KIAA1958: variants seen among roughly 807,000 people sequenced by gnomAD.
KIAA1958 encodes the protein KIAA1958.
Under a neutral mutation model 47.2 loss-of-function variants are expected in KIAA1958, and 14 were observed. The observed-to-expected ratio is 0.30, with a 90% confidence interval of 0.20 to 0.46. The LOEUF is 0.46. Among genes scored for constraint, KIAA1958 ranks in the 20% least tolerant of loss-of-function variants. The pLI, the probability that KIAA1958 is intolerant of heterozygous loss-of-function variation, is 1.00. For missense variants in KIAA1958, 803 were observed against 909.2 expected (o/e 0.88, Z 1.50); for synonymous variants, 354 against 353.3 (o/e 1.00, Z -0.02).
At chr9:112,580,468 G>C (rs985138485) in intron 2 of KIAA1958, among the ~76,000 whole-genome samples, 4 of 151,858 alleles carry the variant, frequency 2.6e-5, no homozygotes, top group Admixed American at 2.6e-4. Context: ...TATTCCATGA[G>C]AAATATATGC....
chr9:112,645,280 C>T (rs1158688145), intron 2 of KIAA1958, among the ~76,000 whole-genome samples: 1 of 151,998 alleles, frequency 6.6e-6, no homozygotes, highest in Non-Finnish European at 1.5e-5. Context: ...CTCTTTCTTC[C>T]TTTTGATTGT....
chr9:112,535,125 C>T (rs1027135469), intron 1 of KIAA1958, among the ~76,000 whole-genome samples: 37 of 152,136 alleles, frequency 2.4e-4, no homozygotes, highest in Non-Finnish European at 5.0e-4. Context: ...TAAAATCTCT[C>T]GGCAGTTTTC....
chr9:112,498,747 G>A (rs895730253), intron 1 of KIAA1958, among the ~76,000 whole-genome samples: 16 of 152,072 alleles, frequency 1.1e-4, no homozygotes, highest in African/African-American at 3.1e-4. Flanking sequence ...CCTTGTGTTG[G>A]GAACATTCAA....
At position 112,574,375 on chromosome 9, in the gene KIAA1958, G is replaced by A. The variant is rs903747525; in HGVS notation, c.295G>A (p.Val99Ile). ...GCCCTCTGAGACACAGACTAGCCCT[G>A]TTGAAAGGTACCCTGGGAGACCAGT... ...GVPSETQTSP[V>I]ERYPGRPVKA... Residue 99 changes from valine to isoleucine, a missense_variant, in exon 2 of 4, where the codon GTT becomes ATT. By Grantham distance (29) the Val-to-Ile change is conservative (BLOSUM62 3). Coordinates refer to ENST00000337530, the MANE Select transcript of KIAA1958 (RefSeq NM_133465.4). The A allele has an allele frequency of 1.9e-6, 3 of 1,614,076 alleles. No homozygotes were observed. The African/African-American group carries it at 4.0e-5, about 22-fold the overall frequency.
intron 1 of KIAA1958, among the ~76,000 whole-genome samples, chr9:112,549,908 T>C (rs2132836824): frequency 6.6e-6 from 1 of 152,354 alleles, no homozygotes; most frequent in South Asian, 2.1e-4. Flanking sequence ...ACAAAGTTGA[T>C]AGTGCTGAGG....
intron 1 of KIAA1958, among the ~76,000 whole-genome samples, chr9:112,555,545 G>A (rs908972442): frequency 6.6e-6 from 1 of 152,208 alleles, no homozygotes; most frequent in Non-Finnish European, 1.5e-5. Flanking sequence ...TCTAGAGGCT[G>A]GAAAGTCCAA....
At chr9:112,621,457 T>A (rs1158934642) in intron 2 of KIAA1958, among the ~76,000 whole-genome samples, 1 of 152,188 alleles carries the variant, frequency 6.6e-6, no homozygotes, top group Non-Finnish European at 1.5e-5. Flanking sequence ...CACAGTAAGT[T>A]TGTCTTAAGG....
intron 2 of KIAA1958, among the ~76,000 whole-genome samples, chr9:112,634,172 C>T (rs891370033): frequency 1.3e-5 from 2 of 152,192 alleles, no homozygotes; most frequent in African/African-American, 4.8e-5. Flanking sequence ...TTAGACATTT[C>T]AGTGAGTGTA....
At position 112,666,450 on chromosome 9, in the gene KIAA1958, A is replaced by G. The variant is rs1837351918; in HGVS notation, c.*6381A>G. On this transcript the variant is annotated 3_prime_UTR_variant, in exon 4 of 4. Coordinates refer to ENST00000337530, the MANE Select transcript of KIAA1958 (RefSeq NM_133465.4). ...CAATAAGTAATAGATTCAGGACTAGAGAGTTAGTCCAGAACTCTCTCCTCC... is the reference window on the plus strand; with the variant it reads ...CAATAAGTAATAGATTCAGGACTAGGGAGTTAGTCCAGAACTCTCTCCTCC... The G allele has an allele frequency of 6.6e-6, 1 of 152,310 alleles. No individual in the cohort carries two copies. Among genetic ancestry groups the G allele is most frequent in the South Asian group, 2.1e-4 (1 of 4,824 alleles). The allele number at this position is 152,310 out of a possible 1,614,324, so 9.4% of individuals were successfully genotyped here.
At chr9:112,592,137 A>G (rs1835934009) in intron 2 of KIAA1958, among the ~76,000 whole-genome samples, 1 of 152,236 alleles carries the variant, frequency 6.6e-6, no homozygotes. Context: ...AGGGTGGAGC[A>G]GGTGATCGGA....
chr9:112,563,039 C>G lies in KIAA1958; in HGVS notation c.-24-11018C>G, dbSNP rs576929916. On this transcript the variant is annotated intron_variant, in intron 1 of 3. Transcript: ENST00000337530. ...ATCTTAACTTTCTGTCTCTCTCTCTCTCTTTCTCTCTCTCTCTCTGTCTCT... is the reference window on the plus strand; with the variant it reads ...ATCTTAACTTTCTGTCTCTCTCTCTGTCTTTCTCTCTCTCTCTCTGTCTCT... Among the ~76,000 whole-genome samples, 5 of 136,456 alleles carry G rather than the reference C, an allele frequency of 3.7e-5. No individual in the cohort carries two copies. In the East Asian group the frequency reaches 1.0e-3, roughly 28 times the overall value. 89.5% of individuals were successfully genotyped at this position (136,456 alleles called of 152,430 possible).
chr9:112,607,107 A>G (rs1836248328), intron 2 of KIAA1958, among the ~76,000 whole-genome samples: 1 of 152,184 alleles, frequency 6.6e-6, no homozygotes, highest in Non-Finnish European at 1.5e-5. Flanking sequence ...CTGTAATCCC[A>G]ACACTTTGGG....
intron 1 of KIAA1958, among the ~76,000 whole-genome samples, chr9:112,504,449 G>A (rs6477943): frequency 0.95 from 145,143 of 152,310 alleles, 69,209 homozygotes; most frequent in South Asian, 0.98. Flanking sequence ...TCGGCCTCCC[G>A]AAGTGCTGGA....
rs1354144910 is a variant in KIAA1958 at position 112,662,184 on chromosome 9, A to G, written c.*2115A>G. On this transcript the variant is annotated 3_prime_UTR_variant, in exon 4 of 4. Coordinates refer to ENST00000337530, the MANE Select transcript of KIAA1958 (RefSeq NM_133465.4). ...AAATGTGTTGCCTGTCACCTAGTTGATGTTCCATAAAATCCCTGGGTTCTG... is the reference window on the plus strand; with the variant it reads ...AAATGTGTTGCCTGTCACCTAGTTGGTGTTCCATAAAATCCCTGGGTTCTG... 2.0e-5 allele frequency: 3 copies of G among 152,176 alleles called. No individual in the cohort carries two copies. The highest frequency in any genetic ancestry group is 3.2e-3 in the Middle Eastern group (1 of 316). The allele number at this position is 152,176 out of a possible 1,614,324, so 9.4% of individuals were successfully genotyped here. A position where few individuals can be genotyped will look rare whatever the true frequency, so the allele number is the denominator to read the frequency against.
intron 1 of KIAA1958, among the ~76,000 whole-genome samples, chr9:112,532,570 G>T (rs948954517): frequency 1.3e-5 from 2 of 152,184 alleles, no homozygotes; most frequent in African/African-American, 4.8e-5. Context: ...TGTAATAGAA[G>T]GTTCTGATGT....
intron 1 of KIAA1958, among the ~76,000 whole-genome samples, chr9:112,548,852 A>T (rs1172735805): frequency 6.6e-6 from 1 of 152,230 alleles, no homozygotes; most frequent in Non-Finnish European, 1.5e-5. Context: ...GCCTCTGATC[A>T]ATATGACCGG....
chr9:112,597,667 A>C (rs764455667), intron 2 of KIAA1958, among the ~76,000 whole-genome samples: 3 of 152,224 alleles, frequency 2.0e-5, no homozygotes, highest in Admixed American at 1.3e-4. Flanking sequence ...CAGAGTGTTT[A>C]ACAGTTGAGG....
intron 1 of KIAA1958, among the ~76,000 whole-genome samples, chr9:112,527,136 T>C (rs911818920): frequency 3.9e-5 from 6 of 152,224 alleles, no homozygotes; most frequent in African/African-American, 1.4e-4. Flanking sequence ...TGTCACACAA[T>C]TACTCAGTGT....
intron 2 of KIAA1958, among the ~76,000 whole-genome samples, chr9:112,589,582 CAAAA>C (rs58996189): frequency 6.6e-6 from 1 of 151,966 alleles, no homozygotes; most frequent in African/African-American, 2.4e-5. Context: ...AACTCTGTCT[CAAAA>C]AAAGAGAATG....
Sources: gnomAD v4.1 joint callset for allele counts (sites outside exome capture counted in the v4.1 genomes callset) on GRCh38, gnomAD v4.1.1 for gene constraint, MANE v1.5 for transcripts, NCBI Gene and HGNC (gene_info 2026-07-23, HGNC 2026-07-21) for gene names.